SMG7: variants seen among roughly 807,000 people sequenced by gnomAD.
SMG7 encodes the protein nonsense-mediated mRNA decay factor SMG7.
In SMG7, 34 loss-of-function variants were observed where a neutral mutation model predicts 148.2. The ratio of observed to expected loss-of-function variants is 0.23; its 90% CI spans 0.17 to 0.31. The LOEUF (loss-of-function observed/expected upper bound fraction) is 0.31. Ranked by LOEUF, SMG7 falls within the 10% of genes least tolerant of loss-of-function variation. The pLI, the probability that SMG7 is intolerant of heterozygous loss-of-function variation, is 1.00. For synonymous variants in SMG7, 492 were observed against 515.1 expected, an observed-to-expected ratio of 0.96 and a Z score of 0.61; for missense variants, 1,114 against 1,408.4, an observed-to-expected ratio of 0.79 and a Z score of 3.35.
At position 183,472,635 on chromosome 1, in the gene SMG7, C is replaced by G; in HGVS notation, c.15C>G (p.Ser5Arg). Reference sequence around the variant, plus strand: ...GGCGGCGGAGGATGAGCCTGCAGAGCGCGCAGTACCTCCGGTGAGTGCCGA... The same window carrying G: ...GGCGGCGGAGGATGAGCCTGCAGAGGGCGCAGTACCTCCGGTGAGTGCCGA... Reference protein sequence around the residue: MSLQSAQYLRQAEVL... With the variant: MSLQRAQYLRQAEVL... Residue 5 changes from serine (S) to arginine (R), a missense_variant, in exon 1 of 23, where the codon AGC (serine) becomes AGG (arginine). Physicochemically the swap from Ser to Arg is moderately radical, Grantham distance 110. Transcript: ENST00000688051. 1 of 1,463,814 alleles carries G rather than the reference C, an allele frequency of 6.8e-7. No individual in the cohort carries two copies. The allele number at this position is 1,463,814 out of a possible 1,614,324, so 90.7% of individuals were successfully genotyped here. A position where few individuals can be genotyped will look rare whatever the true frequency, so the allele number is the denominator to read the frequency against.
At chr1:183,510,073 T>C (rs1263353215) in intron 1 of SMG7, among the ~76,000 whole-genome samples, 3 of 152,192 alleles carry the variant, frequency 2.0e-5, no homozygotes, top group East Asian at 1.9e-4. Context: ...AAACAAATCA[T>C]GTTTGGAATG....
chr1:183,547,418 T>G (rs551207884), intron 18 of SMG7, among the ~76,000 whole-genome samples, 166 bp downstream of exon 18: 16 of 152,326 alleles, frequency 1.1e-4, no homozygotes, highest in Non-Finnish European at 2.1e-4. Context: ...GGTAGTAGGA[T>G]ATAGCAAAAC....
intron 4 of SMG7, chr1:183,518,537 A>G (rs1004548859): frequency 1.3e-5 from 2 of 152,204 alleles, no homozygotes; most frequent in Non-Finnish European, 2.9e-5. Flanking sequence ...TATTTATACA[A>G]TGGAATTTAT....
Position 183,526,713 on chromosome 1 carries a change from T to G in SMG7, c.430T>G (p.Ser144Ala), listed in dbSNP as rs757826682. The change falls in exon 5 of 23, where the codon TCT (serine) becomes GCT (alanine). Residue 144 changes from serine (S) to alanine (A), a missense_variant. Physicochemically the swap from Ser to Ala is moderately conservative, Grantham distance 99 (BLOSUM62 1). Around this residue, in one of 4 missense-constraint regions of SMG7, gnomAD observed 216 missense variants for 329.1 expected, o/e 0.66. Transcript: ENST00000688051. The stretch of plus-strand genomic sequence containing the variant: ...TACCAGCGCCATAGTGAAGCCACAG[T>G]CTAGCTCCTGTTCCTATATCTGCCA... ...THTSAIVKPQ[S>A]SSCSYICQHC... 13 of 1,613,722 alleles carry G rather than the reference T, an allele frequency of 8.1e-6. No homozygotes were observed. Among genetic ancestry groups the G allele is most frequent in the Non-Finnish European group, 1.1e-5 (13 of 1,179,840 alleles).
intron 10 of SMG7, among the ~76,000 whole-genome samples, chr1:183,535,892 CTT>C (rs1474559274): frequency 6.6e-6 from 1 of 152,022 alleles, no homozygotes; most frequent in Non-Finnish European, 1.5e-5. Flanking sequence ...CCAACTATCT[CTT>C]GTAATCTGTT....
At chr1:183,530,059 A>C (rs1666587304) in intron 8 of SMG7, among the ~76,000 whole-genome samples, 1 of 152,128 alleles carries the variant, frequency 6.6e-6, no homozygotes, top group Non-Finnish European at 1.5e-5. Flanking sequence ...GTATGTTAAG[A>C]TATTAGCAGT....
intron 4 of SMG7, among the ~76,000 whole-genome samples, chr1:183,523,799 T>C (rs1665268719): frequency 6.6e-6 from 1 of 152,128 alleles, no homozygotes; most frequent in African/African-American, 2.4e-5. Context: ...ATTTATTTTT[T>C]GTGATCTTTC....
chr1:183,512,971 G>T, intron 2 of SMG7, 103 bp downstream of exon 2: 1 of 1,018,578 alleles, frequency 9.8e-7, no homozygotes, highest in Non-Finnish European at 1.4e-6. Flanking sequence ...TCCCATCTTA[G>T]TTGCCAAAAG....
rs187162780 is a variant in SMG7, at chr1:183,496,679, A to G, written c.30-16158A>G. Among the ~76,000 whole-genome samples, 323 of 152,214 alleles carry G rather than the reference A, an allele frequency of 2.1e-3. 1 individual carries two copies. The highest frequency in any genetic ancestry group is 0.01 in the Middle Eastern group (3 of 294). On this transcript the variant is annotated intron_variant, in intron 1 of 22. Coordinates refer to ENST00000688051, the MANE Select transcript of SMG7 (RefSeq NM_001375584.1). ...AAATTTACCTCCTACTTCTCTGGCCACTTGTTCTCAATCTGTTTACTATTT... is the reference window on the plus strand; with the variant it reads ...AAATTTACCTCCTACTTCTCTGGCCGCTTGTTCTCAATCTGTTTACTATTT...
chr1:183,541,982 T>G, intron 13 of SMG7, 94 bp from the exon 14 acceptor site: 12 of 1,025,812 alleles, frequency 1.2e-5, no homozygotes, highest in Non-Finnish European at 1.6e-5. Flanking sequence ...TGGTTATTAG[T>G]GCTAGGAATA....
Position 183,551,172 on chromosome 1 carries a change from C to T in SMG7, c.3432C>T (p.Val1144=), listed in dbSNP as rs1670982994. 6.3e-7 allele frequency: 1 copy of T among 1,579,064 alleles called. No individual in the cohort carries two copies. The highest frequency in any genetic ancestry group is 8.5e-7 in the Non-Finnish European group (1 of 1,171,074). ...CTTCCATGGAGGATTCCTCTGCTGT[C>T]CTCATGGAAAGCCTAAAGGTGAGTA... ...HGPSMEDSSA[V]LMESLKSIWS... The change falls in exon 22 of 23, where the codon GTC becomes GTT. Residue 1144 remains valine, a synonymous_variant. Transcript: ENST00000688051.
At chr1:183,485,556 A>G (rs1179780389) in intron 1 of SMG7, among the ~76,000 whole-genome samples, 1 of 152,186 alleles carries the variant, frequency 6.6e-6, no homozygotes, top group African/African-American at 2.4e-5. Context: ...TAGTATCACT[A>G]CTTAGATACA....
At chr1:183,543,364 T>G (rs1015922592) in intron 14 of SMG7, among the ~76,000 whole-genome samples, 9 of 152,110 alleles carry the variant, frequency 5.9e-5, no homozygotes, top group Admixed American at 3.9e-4. Flanking sequence ...TTTCTCTAAT[T>G]TTTTTGAGAA....
intron 8 of SMG7, among the ~76,000 whole-genome samples, chr1:183,532,569 T>A (rs1218187854): frequency 1.3e-5 from 2 of 152,306 alleles, no homozygotes; most frequent in East Asian, 3.9e-4. Context: ...AGTTGATAAT[T>A]TGTAGAAGTA....
intron 1 of SMG7, among the ~76,000 whole-genome samples, chr1:183,485,016 G>C (rs1655094582): frequency 6.6e-6 from 1 of 152,138 alleles, no homozygotes; most frequent in Non-Finnish European, 1.5e-5. Context: ...TGACATGATT[G>C]TTAGTAGTAA....
rs189528237 is a variant in SMG7 at position 183,533,596 on chromosome 1, G to C, written c.1007-80G>C. ...ATACTCAAGTGTTAAACAGAATATA[G>C]TAGAAGGCACATAATATTTTAATTT... is the stretch of plus-strand genomic sequence containing the variant. On this transcript the variant is annotated intron_variant, in intron 9 of 22. Transcript: ENST00000688051. 5.1e-3 allele frequency: 6,123 copies of C among 1,209,904 alleles called. 39 individuals are homozygous for C. Among genetic ancestry groups the C allele is most frequent in the South Asian group, 8.2e-3 (564 of 68,614 alleles). 74.9% of individuals were successfully genotyped at this position (1,209,904 alleles called of 1,614,324 possible).
chr1:183,488,684 T>C (rs933064001), intron 1 of SMG7, among the ~76,000 whole-genome samples: 1,834 of 33,656 alleles, frequency 0.054, 41 homozygotes, highest in African/African-American at 0.16. Context: ...TTATAAGGCT[T>C]TTTTTTTTTT....
chr1:183,545,341 C>G (rs766023050), intron 16 of SMG7, 29 bp downstream of exon 16: 3 of 1,586,478 alleles, frequency 1.9e-6, no homozygotes, highest in African/African-American at 2.7e-5. Context: ...TACTATCCAG[C>G]TGAATGAAAT....
chr1:183,546,924 C>T (rs1181831897), intron 17 of SMG7, among the ~76,000 whole-genome samples, 179 bp from the exon 18 acceptor site: 1 of 152,214 alleles, frequency 6.6e-6, no homozygotes. Context: ...GAACTTTCTC[C>T]ATTATTGTCC....
Sources: allele counts gnomAD v4.1 joint callset (sites outside exome capture counted in the v4.1 genomes callset), GRCh38; gene constraint gnomAD v4.1.1; regional missense constraint gnomAD v4.1.1; transcripts MANE v1.5; gene names NCBI Gene and HGNC (gene_info 2026-07-23, HGNC 2026-07-21).